Variants in CNTN4 observed in about 807,000 individuals in gnomAD.
CNTN4 encodes contactin-4.
In CNTN4, 77 loss-of-function variants were observed where a neutral mutation model predicts 122.5. That is an observed-to-expected ratio of 0.63 (90% CI 0.52 to 0.76). The LOEUF (loss-of-function observed/expected upper bound fraction) is 0.76. Among genes scored for constraint, CNTN4 ranks in the 30% least tolerant of loss-of-function variants. The pLI is 0.00. For missense variants in CNTN4, 1,256 were observed against 1,259.1 expected (o/e 1.00, Z 0.04); for synonymous variants, 512 against 447.0 (o/e 1.15, Z -1.83).
intron 3 of CNTN4, among the ~76,000 whole-genome samples, chr3:2,544,191 G>T (rs187675147): frequency 4.3e-4 from 66 of 152,184 alleles, no homozygotes; most frequent in Non-Finnish European, 7.9e-4. Flanking sequence ...CCATGACAGC[G>T]AGTGGTGCCT....
At chr3:2,912,047 G>A (rs758803094) in intron 12 of CNTN4, among the ~76,000 whole-genome samples, 67 of 152,110 alleles carry the variant, frequency 4.4e-4, no homozygotes, top group Middle Eastern at 6.8e-3. Flanking sequence ...AAAACTTCCT[G>A]AGTCTGAGCA....
chr3:2,632,503 A>C (rs1165168172), intron 4 of CNTN4, among the ~76,000 whole-genome samples: 5 of 152,200 alleles, frequency 3.3e-5, no homozygotes, highest in Non-Finnish European at 5.9e-5. Context: ...AGGCATGAAG[A>C]GATCAAGACT....
At chr3:2,455,612 G>A (rs2048970699) in intron 3 of CNTN4, among the ~76,000 whole-genome samples, 1 of 152,066 alleles carries the variant, frequency 6.6e-6, no homozygotes, top group Non-Finnish European at 1.5e-5. Context: ...AGGTTTTACT[G>A]TTTTGTCAGT....
intron 3 of CNTN4, among the ~76,000 whole-genome samples, chr3:2,365,913 C>T (rs2045358305): frequency 6.6e-6 from 1 of 152,142 alleles, no homozygotes; most frequent in African/African-American, 2.4e-5. Context: ...GTTTTCGGTT[C>T]TGCCTCAAAT....
chr3:3,050,489 C>T (rs1701147215), intron 23 of CNTN4, among the ~76,000 whole-genome samples: 1 of 152,054 alleles, frequency 6.6e-6, no homozygotes, highest in Non-Finnish European at 1.5e-5. Flanking sequence ...TGAGGCCGGG[C>T]ACGGTGGCTC....
intron 4 of CNTN4, among the ~76,000 whole-genome samples, chr3:2,635,592 T>G (rs995464633): frequency 4.6e-5 from 7 of 152,194 alleles, no homozygotes; most frequent in Non-Finnish European, 7.3e-5. Flanking sequence ...GCCTTGAATG[T>G]GCCCACAGCA....
intron 2 of CNTN4, among the ~76,000 whole-genome samples, chr3:2,167,041 T>C (rs1045677773): frequency 6.6e-6 from 1 of 152,186 alleles, no homozygotes; most frequent in Non-Finnish European, 1.5e-5. Context: ...TTATGTTGTG[T>C]ACATCAGACA....
chr3:2,710,883 G>A (rs1276157379), intron 4 of CNTN4, among the ~76,000 whole-genome samples: 1 of 152,212 alleles, frequency 6.6e-6, no homozygotes, highest in Non-Finnish European at 1.5e-5. Flanking sequence ...AAGAAGGCCA[G>A]TGTCTTCCTT....
intron 3 of CNTN4, among the ~76,000 whole-genome samples, chr3:2,509,193 A>G (rs1235565586): frequency 6.6e-6 from 1 of 152,226 alleles, no homozygotes; most frequent in Non-Finnish European, 1.5e-5. Flanking sequence ...GTTTGCTAAT[A>G]TGACTGAGGT....
At chr3:2,508,855 G>GA (rs765631902) in intron 3 of CNTN4, among the ~76,000 whole-genome samples, 31 of 151,524 alleles carry the variant, frequency 2.0e-4, no homozygotes, top group Non-Finnish European at 2.9e-4. Context: ...GCCCTTTAAT[G>GA]AAAAAAAATC....
At chr3:2,878,632 A>G (rs1323720710) in intron 8 of CNTN4, among the ~76,000 whole-genome samples, 1 of 151,606 alleles carries the variant, frequency 6.6e-6, no homozygotes. Context: ...TAAAGATGAT[A>G]GAAAACAGCA....
chr3:2,463,197 A>C (rs925772895), intron 3 of CNTN4, among the ~76,000 whole-genome samples: 3 of 152,018 alleles, frequency 2.0e-5, no homozygotes, highest in African/African-American at 7.2e-5. Flanking sequence ...TATCTACTAA[A>C]TGGGCTTTTT....
chr3:2,709,342 T>C lies in CNTN4; in HGVS notation c.56-26873T>C, dbSNP rs1334014435. Among the ~76,000 whole-genome samples, 2 of 152,060 alleles carry C rather than the reference T, an allele frequency of 1.3e-5. No individual in the cohort carries two copies. The highest frequency in any genetic ancestry group is 2.9e-5 in the Non-Finnish European group (2 of 68,020). The stretch of plus-strand genomic sequence containing the variant: ...GCTGCATATTAGAATCATCTGGGGG[T>C]CCTTAAAAAATACTGATGCGTAGGT... On this transcript the variant is annotated intron_variant, in intron 4 of 24. Coordinates refer to ENST00000418658, the MANE Select transcript of CNTN4 (RefSeq NM_175607.3). This position sits in a 1 kb window ranked among gnomAD's most constrained non-coding sequence, Gnocchi z 5.0.
chr3:2,261,544 T>C (rs777815748), intron 2 of CNTN4, among the ~76,000 whole-genome samples: 4 of 152,186 alleles, frequency 2.6e-5, no homozygotes, highest in Admixed American at 6.6e-5. Flanking sequence ...TTAATAACTT[T>C]CTACTATTTT....
chr3:2,656,898 T>C (rs566177612), intron 4 of CNTN4, among the ~76,000 whole-genome samples: 1 of 152,328 alleles, frequency 6.6e-6, no homozygotes, highest in East Asian at 1.9e-4. Context: ...TTCAGGAGAA[T>C]AGCTCATTGG....
At chr3:2,504,434 C>T (rs1358700561) in intron 3 of CNTN4, among the ~76,000 whole-genome samples, 8 of 152,116 alleles carry the variant, frequency 5.3e-5, no homozygotes, top group Non-Finnish European at 1.2e-4. Flanking sequence ...CTGTTGCCAC[C>T]ACTTCTCATT....
At chr3:2,221,969 G>A (rs961135973) in intron 2 of CNTN4, among the ~76,000 whole-genome samples, 1 of 152,136 alleles carries the variant, frequency 6.6e-6, no homozygotes, top group Admixed American at 6.5e-5. Context: ...AAATAATGCA[G>A]CCAATTTGGT....
chr3:3,046,637 A>G (rs1299605920), intron 23 of CNTN4, among the ~76,000 whole-genome samples: 4 of 152,280 alleles, frequency 2.6e-5, no homozygotes, highest in Non-Finnish European at 4.4e-5. Flanking sequence ...AGCACTAAAC[A>G]TGGAAAGGAA....
intron 2 of CNTN4, among the ~76,000 whole-genome samples, chr3:2,165,281 C>T (rs1300357840): frequency 6.6e-6 from 1 of 151,632 alleles, no homozygotes; most frequent in Non-Finnish European, 1.5e-5. Context: ...TGAGATCGCG[C>T]CATTGCACTC....
Sources: allele counts gnomAD v4.1 joint callset (sites outside exome capture counted in the v4.1 genomes callset), GRCh38; gene constraint gnomAD v4.1.1; non-coding constraint Gnocchi (gnomAD v3.1); transcripts MANE v1.5; gene names NCBI Gene and HGNC (gene_info 2026-07-23, HGNC 2026-07-21).